The following ABCA3 variants were observed in gnomAD, a reference collection of about 807,000 sequenced individuals.
The protein encoded by ABCA3 is phospholipid-transporting ATPase ABCA3.
ABCA3 carries 88 observed loss-of-function variants against 172.8 expected under a neutral mutation model. That is an observed-to-expected ratio of 0.51 (90% CI 0.43 to 0.61). The LOEUF (loss-of-function observed/expected upper bound fraction) is 0.61. ABCA3 is among the 20% of genes least tolerant of loss of function. ABCA3 has a pLI of 0.00. For missense variants in ABCA3, 2,164 were observed against 2,301.0 expected, an observed-to-expected ratio of 0.94 and a Z score of 1.22; for synonymous variants, 1,066 against 983.8, an observed-to-expected ratio of 1.08 and a Z score of -1.56.
chr16:2,284,939 G>A lies in ABCA3; in HGVS notation c.3543C>T (p.Thr1181=), dbSNP rs2093660470. The A allele has an allele frequency of 6.2e-7, 1 of 1,613,872 alleles. No individual in the cohort carries two copies. Among genetic ancestry groups the A allele is most frequent in the Non-Finnish European group, 8.5e-7 (1 of 1,179,998 alleles). The change falls in exon 24 of 33, where the codon ACC becomes ACT. Residue 1181 remains threonine, a synonymous_variant. Coordinates refer to ENST00000301732, the MANE Select transcript of ABCA3 (RefSeq NM_001089.3). This position sits in a 1 kb window ranked among gnomAD's most constrained non-coding sequence, Gnocchi z 5.9. ...AFTRDGHMAD[T]LLLLLLYGWA... is the part of the protein sequence containing the mutation. ...AGCCGTAGAGCAGGAGCAGCAGCAG[G>A]GTGTCAGCCATGTGGCCGTCCCGCG...
Position 2,297,706 on chromosome 16 carries a change from G to T in ABCA3, c.2052+60C>A. ...GGGCCAAGGTGCCCGGGCCATGGCG[G>T]AAGGGCCATCCCAGGTCGAGCAGGA... is the stretch of plus-strand genomic sequence containing the variant. On this transcript the variant is annotated intron_variant, in intron 16 of 32. Transcript: ENST00000301732. This position sits in a 1 kb window ranked among gnomAD's most constrained non-coding sequence, Gnocchi z 5.6. The T allele has an allele frequency of 6.2e-7, 1 of 1,602,288 alleles. No individual in the cohort carries two copies. Among genetic ancestry groups the T allele is most frequent in the South Asian group, 1.1e-5 (1 of 90,954 alleles).
In ABCA3 at chr16:2,328,975, C is replaced by T. The variant is rs555629694; in HGVS notation, c.-331-218G>A. On this transcript the variant is annotated intron_variant, in intron 2 of 32. Transcript: ENST00000301732. ...ATTGAAAATCATTTATATCAAGGCT[C>T]TTTTTAAATTAAAACTCTTGCTTTT... Among the ~76,000 whole-genome samples the T allele has an allele frequency of 1.8e-3, 256 of 146,092 alleles. 1 individual carries two copies. The highest frequency in any genetic ancestry group is 2.8e-3 in the Non-Finnish European group (185 of 66,878).
Position 2,285,662 on chromosome 16 carries a change from A to G in ABCA3, c.3279-16T>C. ...CTTCCGGCCCCTGCGGGGGACAGAG[A>G]AGGTCAGGGACGGAGCACAGCACGT... On this transcript the variant is annotated splice_polypyrimidine_tract_variant and intron_variant, in intron 22 of 32. Coordinates refer to ENST00000301732, the MANE Select transcript of ABCA3 (RefSeq NM_001089.3). This position sits in a 1 kb window ranked among gnomAD's most constrained non-coding sequence, Gnocchi z 4.7. The G allele has an allele frequency of 1.9e-6, 3 of 1,551,212 alleles. No individual in the cohort carries two copies. Among genetic ancestry groups the G allele is most frequent in the Non-Finnish European group, 2.6e-6 (3 of 1,146,948 alleles).
At chr16:2,329,961 T>TA (rs1474333033) in intron 1 of ABCA3, 107 bp from the exon 2 acceptor site, 4 of 152,174 alleles carry the variant, frequency 2.6e-5, no homozygotes, top group Admixed American at 2.6e-4. Flanking sequence ...GGATGTTACT[T>TA]AAAACTGAGC....
chr16:2,282,070 A>G (rs553225304), intron 26 of ABCA3, among the ~76,000 whole-genome samples: 2 of 152,196 alleles, frequency 1.3e-5, no homozygotes, highest in African/African-American at 4.8e-5. Flanking sequence ...GATTACAGGC[A>G]TTAGCCACCA....
intron 11 of ABCA3, 57 bp downstream of exon 11, chr16:2,308,393 G>C: frequency 6.2e-7 from 1 of 1,607,244 alleles, no homozygotes; most frequent in Non-Finnish European, 8.5e-7. Context: ...CTTGTGGTTG[G>C]GTGCTCTCGA....
At chr16:2,292,317 C>T (rs555201329) in intron 18 of ABCA3, 79 bp from the exon 19 acceptor site, 35 of 1,278,966 alleles carry the variant, frequency 2.7e-5, no homozygotes, top group South Asian at 1.5e-4. Flanking sequence ...CACCCCCCCT[C>T]GGCCAGGCAC....
chr16:2,289,500 C>T lies in ABCA3; in HGVS notation c.2634G>A (p.Met878Ile). The change falls in exon 20 of 33, where the codon ATG (methionine) becomes ATA (isoleucine). Residue 878 changes from methionine (M) to isoleucine (I), a missense_variant. Met to Ile is a conservative substitution (Grantham distance 10). Coordinates refer to ENST00000301732, the MANE Select transcript of ABCA3 (RefSeq NM_001089.3). The part of the protein sequence containing the change: ...WAVDSNLCGA[M>I]DPSDGIGALI... ...GGGCTCCAATGCCGTCGGAGGGGTC[C>T]ATGGCCCCACAGAGGTTGCTGTCCA... 1 of 1,591,298 alleles carries T rather than the reference C, an allele frequency of 6.3e-7. No homozygotes were observed. The highest frequency in any genetic ancestry group is 2.3e-5 in the East Asian group (1 of 44,180).
intron 1 of ABCA3, among the ~76,000 whole-genome samples, chr16:2,336,432 T>A (rs1287004291): frequency 7.2e-6 from 1 of 139,682 alleles, no homozygotes; most frequent in Non-Finnish European, 1.6e-5. Flanking sequence ...TATACAGAAC[T>A]TTTTTTTTTT....
In ABCA3 at chr16:2,325,033, A is replaced by C. The variant is rs534048462; in HGVS notation, c.320-502T>G. ...CTTCCTCTGAGTATTTGCTACAAGGAATTAAAGCCCGGGAGGTAAATGCCC... is the reference window on the plus strand; with the variant it reads ...CTTCCTCTGAGTATTTGCTACAAGGCATTAAAGCCCGGGAGGTAAATGCCC... On this transcript the variant is annotated intron_variant, in intron 5 of 32. Coordinates refer to ENST00000301732, the MANE Select transcript of ABCA3 (RefSeq NM_001089.3). Among the ~76,000 whole-genome samples, 12 of 152,270 alleles carry C rather than the reference A, an allele frequency of 7.9e-5. No individual in the cohort carries two copies. In the East Asian group the frequency reaches 2.3e-3, roughly 29 times the overall value.
chr16:2,297,705 G>A lies in ABCA3; in HGVS notation c.2052+61C>T, dbSNP rs2093682137. ...AGGGCCAAGGTGCCCGGGCCATGGC[G>A]GAAGGGCCATCCCAGGTCGAGCAGG... On this transcript the variant is annotated intron_variant, in intron 16 of 32. Coordinates refer to ENST00000301732, the MANE Select transcript of ABCA3 (RefSeq NM_001089.3). This position sits in a 1 kb window ranked among gnomAD's most constrained non-coding sequence, Gnocchi z 5.6. 4 of 1,601,852 alleles carry A rather than the reference G, an allele frequency of 2.5e-6. No individual in the cohort carries two copies. The highest frequency in any genetic ancestry group is 1.7e-5 in the Admixed American group (1 of 59,936).
At chr16:2,317,182 A>G (rs994052167) in intron 10 of ABCA3, 101 bp downstream of exon 10, 2 of 1,560,332 alleles carry the variant, frequency 1.3e-6, no homozygotes, top group Admixed American at 1.7e-5. Flanking sequence ...GGGCAGCTCC[A>G]CCAGGCCACT....
At chr16:2,317,228 G>GC in intron 10 of ABCA3, 55 bp downstream of exon 10, 1 of 1,610,026 alleles carries the variant, frequency 6.2e-7, no homozygotes, top group South Asian at 1.1e-5. Context: ...TTATTTCCAT[G>GC]CAGATGGCCC....
At chr16:2,332,288 G>A (rs2093744482) in intron 1 of ABCA3, 1 of 611,444 alleles carries the variant, frequency 1.6e-6, no homozygotes, top group Non-Finnish European at 3.0e-6. Context: ...TATTATACAG[G>A]TGAATTTTGA....
chr16:2,289,863 G>C (rs2093669127), intron 19 of ABCA3, among the ~76,000 whole-genome samples: 1 of 152,076 alleles, frequency 6.6e-6, no homozygotes, highest in Non-Finnish European at 1.5e-5. Flanking sequence ...CTGACCTCAA[G>C]TGATCCACCC....
At chr16:2,295,540 G>A (rs766190759) in intron 18 of ABCA3, 50 bp downstream of exon 18, 2 of 1,604,134 alleles carry the variant, frequency 1.2e-6, no homozygotes, top group Non-Finnish European at 1.7e-6. Flanking sequence ...TGGCCCATGG[G>A]GATCCCATCT....
At chr16:2,320,180 C>A (rs752713932) in intron 7 of ABCA3, among the ~76,000 whole-genome samples, 1 of 151,798 alleles carries the variant, frequency 6.6e-6, no homozygotes, top group East Asian at 1.9e-4. Context: ...CTCACTGCAA[C>A]CTCCACCTCC....
rs1020282266 is a variant in ABCA3 at position 2,279,419 on chromosome 16, T to C, written c.4360-289A>G. Among the ~76,000 whole-genome samples, 1 of 152,198 alleles carries C rather than the reference T, an allele frequency of 6.6e-6. No individual in the cohort carries two copies. ...GCCATGGGGTTAGGTGGTGCAAGAATGGCCTTTACGTAGAAGCAGACTCAG... is the reference window on the plus strand; with the variant it reads ...GCCATGGGGTTAGGTGGTGCAAGAACGGCCTTTACGTAGAAGCAGACTCAG... On this transcript the variant is annotated intron_variant, in intron 28 of 32. Coordinates refer to ENST00000301732, the MANE Select transcript of ABCA3 (RefSeq NM_001089.3). The surrounding 1 kb of genome is among the most constrained non-coding windows in gnomAD (Gnocchi z 4.4).
At position 2,286,944 on chromosome 16, in the gene ABCA3, A is replaced by G. The variant is rs1166218624; in HGVS notation, c.3028T>C (p.Phe1010Leu). The G allele has an allele frequency of 6.2e-7, 1 of 1,613,596 alleles. No individual in the cohort carries two copies. The highest frequency in any genetic ancestry group is 8.5e-7 in the Non-Finnish European group (1 of 1,179,974). The stretch of plus-strand genomic sequence containing the variant: ...CCGCCCCCCTCCACAGAAGCCCTGA[A>G]GATCAAGAACTCCTCCAGGTCACCT... Reference protein sequence around the residue: ...VLGDLEEFLIFRASVEGGGFN... With the variant: ...VLGDLEEFLILRASVEGGGFN... The change falls in exon 22 of 33, where the codon TTC becomes CTC. Residue 1010 changes from phenylalanine (F) to leucine (L), a missense_variant. Physicochemically the swap from Phe to Leu is conservative, Grantham distance 22. Transcript: ENST00000301732. The surrounding 1 kb of genome is among the most constrained non-coding windows in gnomAD (Gnocchi z 5.2).
Sources: allele counts gnomAD v4.1 joint callset (sites outside exome capture counted in the v4.1 genomes callset), GRCh38; gene constraint gnomAD v4.1.1; non-coding constraint Gnocchi (gnomAD v3.1); transcripts MANE v1.5; gene names NCBI Gene and HGNC (gene_info 2026-07-23, HGNC 2026-07-21).